ADCY7: variants seen among roughly 807,000 people sequenced by gnomAD.
ADCY7 encodes the protein adenylate cyclase type 7.
A neutral mutation model predicts 120.6 loss-of-function variants in ADCY7; 72 were observed. The ratio of observed to expected loss-of-function variants is 0.60; its 90% confidence interval spans 0.49 to 0.73. The LOEUF (loss-of-function observed/expected upper bound fraction) is 0.73. Among genes scored for constraint, ADCY7 ranks in the 30% least tolerant of loss-of-function variants. The pLI is 0.00. For synonymous variants in ADCY7, 661 were observed against 628.0 expected, an observed-to-expected ratio of 1.05 and a Z score of -0.78; for missense variants, 1,227 against 1,486.0, an observed-to-expected ratio of 0.83 and a Z score of 2.87.
intron 4 of ADCY7, among the ~76,000 whole-genome samples, chr16:50,292,293 A>G (rs2035037322): frequency 6.6e-6 from 1 of 152,334 alleles, no homozygotes; most frequent in African/African-American, 2.4e-5. Flanking sequence ...TCTGTTCATA[A>G]TTATTGGGTG....
At chr16:50,292,547 G>C (rs2035055744) in intron 4 of ADCY7, 129 bp from the exon 5 acceptor site, 1 of 1,172,704 alleles carries the variant, frequency 8.5e-7, no homozygotes, top group Non-Finnish European at 1.2e-6. Flanking sequence ...CCCAGGAAGA[G>C]TGCCATTCTC....
At chr16:50,286,540 GC>G (rs968584117) in intron 1 of ADCY7, among the ~76,000 whole-genome samples, 2 of 151,958 alleles carry the variant, frequency 1.3e-5, no homozygotes, top group Admixed American at 6.5e-5. Flanking sequence ...CTGAGCCTAT[GC>G]CCCCCCACCT....
intron 1 of ADCY7, among the ~76,000 whole-genome samples, chr16:50,259,940 T>C (rs568240780): frequency 9.9e-5 from 15 of 152,068 alleles, no homozygotes; most frequent in Non-Finnish European, 1.9e-4. Context: ...AGGAGGTGGG[T>C]GGATGCACTG....
chr16:50,299,972 C>T (rs1596945224), intron 8 of ADCY7, among the ~76,000 whole-genome samples: 1 of 152,182 alleles, frequency 6.6e-6, no homozygotes, highest in Non-Finnish European at 1.5e-5. Context: ...CCCCTGCTTC[C>T]CAGGGATTGG....
intron 1 of ADCY7, among the ~76,000 whole-genome samples, chr16:50,274,875 T>A (rs1211283789): frequency 6.6e-6 from 1 of 151,738 alleles, no homozygotes; most frequent in African/African-American, 2.4e-5. Context: ...CCAGAGAGGG[T>A]GAAGAATTGC....
At chr16:50,305,882 G>T in intron 14 of ADCY7, 33 bp downstream of exon 14, 1 of 1,607,978 alleles carries the variant, frequency 6.2e-7, no homozygotes, top group Non-Finnish European at 8.5e-7. Flanking sequence ...TCCGCAGAGG[G>T]ACGGGGTCTC....
intron 8 of ADCY7, 64 bp from the exon 9 acceptor site, chr16:50,300,651 C>A: frequency 1.3e-6 from 2 of 1,534,660 alleles, no homozygotes; most frequent in South Asian, 2.4e-5. Flanking sequence ...CACCCCACAC[C>A]TGGGAGCTTC....
upstream of ADCY7, among the ~76,000 whole-genome samples, chr16:50,244,976 A>C (rs763902052): frequency 2.0e-5 from 3 of 152,130 alleles, no homozygotes; most frequent in Non-Finnish European, 4.4e-5. Context: ...GGCCATCTGG[A>C]GTGGAAATCA....
At chr16:50,281,317 G>A (rs1322384342) in intron 1 of ADCY7, among the ~76,000 whole-genome samples, 2 of 152,260 alleles carry the variant, frequency 1.3e-5, no homozygotes, top group African/African-American at 4.8e-5. Context: ...TGGTAGCAGA[G>A]CTGGGATTGG....
chr16:50,247,049 T>TGAA (rs1567523574), intron 1 of ADCY7, among the ~76,000 whole-genome samples: 5 of 151,922 alleles, frequency 3.3e-5, no homozygotes, highest in Admixed American at 6.6e-5. Flanking sequence ...GCTCCAGAGA[T>TGAA]TGAATGAATG....
intron 1 of ADCY7, among the ~76,000 whole-genome samples, chr16:50,255,402 G>GAAAAAAAAAAAAAAAAAAAAAAAA (rs60335173): frequency 9.2e-6 from 1 of 108,136 alleles, no homozygotes; most frequent in African/African-American, 3.7e-5. Flanking sequence ...TCTGTTTCTG[G>GAAAAAAAAAAAAAAAAAAAAAAAA]AAAAAAAAAA....
In ADCY7 at chr16:50,300,837, C is replaced by A; in HGVS notation, c.1199C>A (p.Ser400Tyr). The A allele has an allele frequency of 6.4e-7, 1 of 1,558,250 alleles. No individual in the cohort carries two copies. The highest frequency in any genetic ancestry group is 1.4e-5 in the African/African-American group (1 of 73,386). ...WQYDVWSHDV[S>Y]LANRMEAAGV... ...TATGACGTGTGGTCCCACGACGTGT[C>A]CCTGGCCAACCGGATGGAGGCAGCC... The change falls in exon 9 of 26, where the codon TCC becomes TAC. Residue 400 changes from serine to tyrosine, a missense_variant. Ser to Tyr is a moderately radical substitution (Grantham distance 144, BLOSUM62 -2). Transcript: ENST00000673801.
chr16:50,282,148 G>A (rs1251532408), intron 1 of ADCY7, among the ~76,000 whole-genome samples: 5 of 152,210 alleles, frequency 3.3e-5, no homozygotes, highest in East Asian at 1.9e-4. Flanking sequence ...AGGCTCGGCC[G>A]GAGGAAGCCA....
chr16:50,293,323 T>C, intron 5 of ADCY7, 31 bp from the exon 6 acceptor site: 1 of 1,603,294 alleles, frequency 6.2e-7, no homozygotes, highest in Non-Finnish European at 8.5e-7. Context: ...GCTTTGCTGG[T>C]CCCTCTGCTG....
chr16:50,315,266 G>A, intron 25 of ADCY7, 93 bp from the exon 26 acceptor site: 1 of 1,565,374 alleles, frequency 6.4e-7, no homozygotes, highest in Non-Finnish European at 8.7e-7. Flanking sequence ...CTCCAGGGAA[G>A]GCAGACTGCA....
intron 1 of ADCY7, among the ~76,000 whole-genome samples, chr16:50,277,897 C>G (rs1464649946): frequency 6.6e-6 from 1 of 151,988 alleles, no homozygotes; most frequent in East Asian, 1.9e-4. Context: ...GTCTCGATCT[C>G]CTGACCTCAT....
upstream of ADCY7, among the ~76,000 whole-genome samples, chr16:50,263,062 G>C (rs2033101808): frequency 6.6e-6 from 1 of 152,218 alleles, no homozygotes; most frequent in Non-Finnish European, 1.5e-5. Flanking sequence ...AAGTCAGGTA[G>C]ATCTGAGCTT....
upstream of ADCY7, among the ~76,000 whole-genome samples, chr16:50,265,430 G>A (rs1374880938): frequency 1.3e-5 from 2 of 152,322 alleles, no homozygotes; most frequent in Admixed American, 1.3e-4. Context: ...CTAGTTCCCT[G>A]CATGGGGCCT....
At chr16:50,288,520 C>A (rs1247761842) in intron 2 of ADCY7, among the ~76,000 whole-genome samples, 170 bp downstream of exon 2, 1 of 152,212 alleles carries the variant, frequency 6.6e-6, no homozygotes, top group African/African-American at 2.4e-5. Flanking sequence ...CTCTGTCACC[C>A]AGGCTGGAGT....
Sources: gnomAD v4.1 joint callset for allele counts (sites outside exome capture counted in the v4.1 genomes callset) on GRCh38, gnomAD v4.1.1 for gene constraint, MANE v1.5 for transcripts, NCBI Gene and HGNC (gene_info 2026-07-23, HGNC 2026-07-21) for gene names.